The following LUC7L3 variants were observed in gnomAD, a reference collection of about 807,000 sequenced individuals.
LUC7L3 encodes luc7-like protein 3.
A neutral mutation model predicts 66.8 loss-of-function variants in LUC7L3; 6 were observed. The observed-to-expected ratio is 0.09, with a 90% CI of 0.05 to 0.18. The LOEUF is 0.18. Ranked by LOEUF, LUC7L3 falls within the 10% of genes least tolerant of loss-of-function variation. LUC7L3 has a pLI of 1.00. For missense variants in LUC7L3, 341 were observed against 531.1 expected (o/e 0.64, Z 3.52); for synonymous variants, 160 against 174.7 (o/e 0.92, Z 0.66).
At chr17:50,744,215 A>G (rs902370992) in intron 6 of LUC7L3, among the ~76,000 whole-genome samples, 1 of 152,260 alleles carries the variant, frequency 6.6e-6, no homozygotes, top group Admixed American at 6.5e-5. Context: ...TACTTGTTTC[A>G]GATACTATTG....
intron 2 of LUC7L3, 69 bp from the exon 3 acceptor site, chr17:50,740,237 C>CTTTTTTTTTTTTTT: frequency 8.8e-7 from 1 of 1,135,096 alleles, no homozygotes; most frequent in Non-Finnish European, 1.3e-6. Context: ...AAAAATAACT[C>CTTTTTTTTTTTTTT]TTTTTTTTTG....
chr17:50,746,759 A>G (rs1275173161), intron 9 of LUC7L3, 57 bp downstream of exon 9: 2 of 1,494,904 alleles, frequency 1.3e-6, no homozygotes, highest in East Asian at 2.3e-5. Flanking sequence ...TAATCGCCCC[A>G]CTCACTTTTC....
intron 9 of LUC7L3, among the ~76,000 whole-genome samples, chr17:50,748,784 T>C (rs1318723748): frequency 6.6e-6 from 1 of 152,132 alleles, no homozygotes; most frequent in Non-Finnish European, 1.5e-5. Flanking sequence ...GAGTTAAACA[T>C]TGGAATCTCT....
At chr17:50,724,757 T>TC (rs1490173495) in intron 1 of LUC7L3, among the ~76,000 whole-genome samples, 13 of 27,424 alleles carry the variant, frequency 4.7e-4, no homozygotes, top group East Asian at 1.5e-3. Flanking sequence ...ATATTTTCTC[T>TC]TTTTTTTTTT....
At chr17:50,732,018 G>A (rs1969640446) in intron 1 of LUC7L3, among the ~76,000 whole-genome samples, 1 of 152,166 alleles carries the variant, frequency 6.6e-6, no homozygotes, top group Non-Finnish European at 1.5e-5. Context: ...GGCAGCTGCT[G>A]GCGTCAAGAC....
chr17:50,728,366 T>A (rs987210233), intron 1 of LUC7L3, among the ~76,000 whole-genome samples: 11 of 152,184 alleles, frequency 7.2e-5, no homozygotes, highest in African/African-American at 2.7e-4. Flanking sequence ...CATAAAGCTA[T>A]ATGTTATCAG....
intron 9 of LUC7L3, among the ~76,000 whole-genome samples, chr17:50,750,173 T>C (rs1396904508): frequency 6.6e-6 from 1 of 152,218 alleles, no homozygotes; most frequent in African/African-American, 2.4e-5. Flanking sequence ...TTTTGTATGC[T>C]GTCTTTTATA....
At chr17:50,750,463 A>G (rs778522653) in intron 9 of LUC7L3, 38 bp from the exon 10 acceptor site, 13 of 1,568,022 alleles carry the variant, frequency 8.3e-6, no homozygotes, top group Non-Finnish European at 8.7e-6. Flanking sequence ...ATTGTATTTT[A>G]CTTTAAAATC....
Position 50,754,390 on chromosome 17 carries a change from G to A in LUC7L3, c.*3729G>A, listed in dbSNP as rs1302437114. 2.0e-5 allele frequency: 3 copies of A among 151,918 alleles called. No individual in the cohort carries two copies. The highest frequency in any genetic ancestry group is 1.9e-4 in the East Asian group (1 of 5,194). The allele number at this position is 151,918 out of a possible 1,614,324, so 9.4% of individuals were successfully genotyped here. On this transcript the variant is annotated 3_prime_UTR_variant, in exon 10 of 10. Coordinates refer to ENST00000505658, the MANE Select transcript of LUC7L3 (RefSeq NM_016424.5). Reference sequence around the variant, plus strand: ...GTATCCACTGTTTTCTATTATTTTCGAGCAAGTCTCAGACACACCATTTAA... The same window carrying A: ...GTATCCACTGTTTTCTATTATTTTCAAGCAAGTCTCAGACACACCATTTAA...
At chr17:50,725,925 T>C (rs1383779685) in intron 1 of LUC7L3, among the ~76,000 whole-genome samples, 1 of 152,196 alleles carries the variant, frequency 6.6e-6, no homozygotes, top group Admixed American at 6.5e-5. Flanking sequence ...GAGTAATAAC[T>C]GCATAAAATT....
intron 1 of LUC7L3, among the ~76,000 whole-genome samples, chr17:50,736,448 T>G (rs945995904): frequency 6.6e-6 from 1 of 152,222 alleles, no homozygotes. Context: ...TTAAAACATT[T>G]GCCAGGCATG....
chr17:50,733,307 C>T (rs1969750586), intron 1 of LUC7L3, among the ~76,000 whole-genome samples: 1 of 151,070 alleles, frequency 6.6e-6, no homozygotes, highest in African/African-American at 2.4e-5. Context: ...TCTCTGCTCA[C>T]TGCAAGCTCC....
chr17:50,728,318 G>C (rs1474064440), intron 1 of LUC7L3, among the ~76,000 whole-genome samples: 1 of 152,098 alleles, frequency 6.6e-6, no homozygotes, highest in East Asian at 1.9e-4. Flanking sequence ...TAAAATTAAA[G>C]GCATGGAAAT....
intron 1 of LUC7L3, among the ~76,000 whole-genome samples, chr17:50,728,841 A>T (rs1229430059): frequency 6.6e-6 from 1 of 152,220 alleles, no homozygotes; most frequent in Admixed American, 6.5e-5. Flanking sequence ...GGTGTGAGCC[A>T]CTGCAGCTGG....
chr17:50,730,028 A>G (rs1969483083), intron 1 of LUC7L3, among the ~76,000 whole-genome samples: 1 of 149,420 alleles, frequency 6.7e-6, no homozygotes, highest in Admixed American at 6.7e-5. Flanking sequence ...ATCTCAGCTC[A>G]CTGCAGCTTC....
chr17:50,745,613 G>A, intron 7 of LUC7L3, 107 bp from the exon 8 acceptor site: 3 of 754,816 alleles, frequency 4.0e-6, no homozygotes, highest in South Asian at 3.8e-5. Flanking sequence ...TTCCCTTAAG[G>A]GCATCAATTC....
At chr17:50,723,112 T>C (rs975892340) in intron 1 of LUC7L3, 3 of 152,208 alleles carry the variant, frequency 2.0e-5, no homozygotes, top group African/African-American at 7.2e-5. Flanking sequence ...TTGTAGTAAA[T>C]TGTAAAGTCT....
chr17:50,746,573 GAT>G lies in LUC7L3; in HGVS notation c.1010_1011del (p.Asp337AlafsTer25). On this transcript the variant is annotated frameshift_variant, in exon 9 of 10. Transcript: ENST00000505658. LOFTEE classifies it high-confidence loss of function. ...SRDRRRSRSH[D>X]RSERKHRSRS... ...AGATCGACGAAGAAGCAGAAGCCAT[GAT>G]CGATCAGAAAGAAAACACAGATCTC... 1 of 1,614,020 alleles carries G rather than the reference GAT, an allele frequency of 6.2e-7. No homozygotes were observed. The highest frequency in any genetic ancestry group is 8.5e-7 in the Non-Finnish European group (1 of 1,179,966).
chr17:50,738,894 CG>C (rs1157010060), intron 2 of LUC7L3, among the ~76,000 whole-genome samples: 1 of 149,552 alleles, frequency 6.7e-6, no homozygotes, highest in East Asian at 2.0e-4. Context: ...TTTTAGAACA[CG>C]GGGGTGGTGG....
Sources: allele counts gnomAD v4.1 joint callset (sites outside exome capture counted in the v4.1 genomes callset), GRCh38; gene constraint gnomAD v4.1.1; transcripts MANE v1.5; gene names NCBI Gene and HGNC (gene_info 2026-07-23, HGNC 2026-07-21).